Variants in RAD51B observed in about 807,000 individuals in gnomAD.
The protein encoded by RAD51B is RAD51 paralog B, also known as DNA repair protein RAD51 homolog 2.
RAD51B carries 38 observed loss-of-function variants against 42.2 expected under a neutral mutation model. The ratio of observed to expected loss-of-function variants is 0.90; its 90% CI spans 0.70 to 1.18. The LOEUF (loss-of-function observed/expected upper bound fraction) is 1.18. Ranked by LOEUF, RAD51B falls within the 50% of genes most tolerant of loss-of-function variation. The pLI, the probability that RAD51B is intolerant of heterozygous loss-of-function variation, is 0.00. For synonymous variants in RAD51B, 154 were observed against 145.2 expected (o/e 1.06, Z -0.43); for missense variants, 373 against 400.7 (o/e 0.93, Z 0.59).
intron 7 of RAD51B, among the ~76,000 whole-genome samples, chr14:68,056,904 A>G (rs886642660): frequency 3.9e-5 from 6 of 152,062 alleles, no homozygotes; most frequent in African/African-American, 1.4e-4. Flanking sequence ...CATGGCGAAC[A>G]TGGTGAAACC....
At chr14:68,581,854 C>T (rs1335631074) in intron 10 of RAD51B, among the ~76,000 whole-genome samples, 23 of 152,178 alleles carry the variant, frequency 1.5e-4, no homozygotes, top group East Asian at 3.8e-4. Context: ...AATAACACTA[C>T]GCATCTACAA....
chr14:68,382,434 C>T (rs530979820), intron 8 of RAD51B, among the ~76,000 whole-genome samples: 1 of 152,154 alleles, frequency 6.6e-6, no homozygotes, highest in Non-Finnish European at 1.5e-5. Flanking sequence ...GACAGAGTGG[C>T]CTTTCTAATT....
rs71129868 is a variant in RAD51B, at chr14:68,151,823, CTTTTTTTTTTTTTTTTTTTTTTT to C, written c.757-140046_757-140024del. Among the ~76,000 whole-genome samples, 17 of 39,936 alleles carry C rather than the reference CTTTTTTTTTTTTTTTTTTTTTTT, an allele frequency of 4.3e-4. 1 individual carries two copies. Among genetic ancestry groups the C allele is most frequent in the African/African-American group, 1.4e-3 (15 of 10,574 alleles). 26.2% of individuals were successfully genotyped at this position (39,936 alleles called of 152,430 possible). On this transcript the variant is annotated intron_variant, in intron 7 of 10. Coordinates refer to ENST00000471583, the MANE Select transcript of RAD51B (RefSeq NM_133510.4). Reference sequence around the variant, plus strand: ...CAAACATGGACTATAGTTATAAAGACTTTTTTTTTTTTTTTTTTTTTTTTTTTTTTTTTTTTTGAGATGGAGTT... The same window carrying C: ...CAAACATGGACTATAGTTATAAAGACTTTTTTTTTTTTTTGAGATGGAGTT...
intron 10 of RAD51B, 60 bp from the exon 11 acceptor site, chr14:68,477,588 A>T (rs2140254080): frequency 2.6e-6 from 4 of 1,542,470 alleles, no homozygotes; most frequent in Non-Finnish European, 3.5e-6. Context: ...GTGGGAAGTT[A>T]GTGCATTTCA....
intron 7 of RAD51B, among the ~76,000 whole-genome samples, chr14:67,897,350 T>C (rs111616084): frequency 5.4e-4 from 82 of 152,170 alleles, no homozygotes; most frequent in African/African-American, 1.9e-3. Context: ...AATCTGATGA[T>C]AAAGGGTTAA....
intron 8 of RAD51B, among the ~76,000 whole-genome samples, chr14:68,399,576 C>T (rs1457751317): frequency 6.6e-6 from 1 of 152,136 alleles, no homozygotes; most frequent in African/African-American, 2.4e-5. Context: ...ATTTTTAACA[C>T]TTTGCCTCAT....
At chr14:68,249,424 C>T (rs923641305) in intron 7 of RAD51B, among the ~76,000 whole-genome samples, 4 of 152,120 alleles carry the variant, frequency 2.6e-5, no homozygotes, top group African/African-American at 9.7e-5. Flanking sequence ...TGTATAAAAT[C>T]GATCAAACAA....
intron 8 of RAD51B, among the ~76,000 whole-genome samples, chr14:68,293,583 T>C (rs2081555778): frequency 6.6e-6 from 1 of 152,098 alleles, no homozygotes; most frequent in Non-Finnish European, 1.5e-5. Flanking sequence ...CACTCCCAGC[T>C]CCAGGCCTGT....
chr14:68,289,342 T>A (rs780592040), intron 7 of RAD51B, among the ~76,000 whole-genome samples: 3 of 152,210 alleles, frequency 2.0e-5, no homozygotes, highest in Non-Finnish European at 2.9e-5. Flanking sequence ...TATGAACAAA[T>A]GAAGCTCAAA....
intron 10 of RAD51B, among the ~76,000 whole-genome samples, chr14:68,592,275 G>A: frequency 6.6e-6 from 1 of 151,710 alleles, no homozygotes. Context: ...GTGTGTGTGT[G>A]TGTGTGTGTG....
intron 3 of RAD51B, 96 bp from the exon 4 acceptor site, chr14:67,834,984 A>G (rs2041181145): frequency 1.2e-6 from 1 of 830,414 alleles, no homozygotes; most frequent in African/African-American, 1.7e-5. Flanking sequence ...AGGATGGATT[A>G]GGGTTAAAAT....
intron 9 of RAD51B, among the ~76,000 whole-genome samples, chr14:68,444,107 G>T (rs1439118787): frequency 1.3e-5 from 2 of 152,176 alleles, no homozygotes; most frequent in Non-Finnish European, 2.9e-5. Context: ...TGAAGAACGG[G>T]TGTTCTCTGG....
At chr14:68,233,676 A>G (rs2080190139) in intron 7 of RAD51B, among the ~76,000 whole-genome samples, 1 of 152,172 alleles carries the variant, frequency 6.6e-6, no homozygotes, top group Admixed American at 6.5e-5. Context: ...TATTTCTGCA[A>G]AGGAGAAGAG....
chr14:68,193,202 C>G (rs552871285), intron 7 of RAD51B, among the ~76,000 whole-genome samples: 3 of 152,230 alleles, frequency 2.0e-5, no homozygotes, highest in African/African-American at 7.2e-5. Flanking sequence ...GAATTCTTTC[C>G]TCATCTCCAT....
chr14:68,470,365 A>G (rs899212665), intron 10 of RAD51B, among the ~76,000 whole-genome samples: 1 of 152,056 alleles, frequency 6.6e-6, no homozygotes, highest in Non-Finnish European at 1.5e-5. Context: ...CTCTTGGCAC[A>G]CTCTGCCTTC....
intron 9 of RAD51B, among the ~76,000 whole-genome samples, chr14:68,426,928 G>A (rs1363665770): frequency 6.6e-6 from 1 of 152,138 alleles, no homozygotes; most frequent in Non-Finnish European, 1.5e-5. Flanking sequence ...ACTTTCCAGG[G>A]CCACTCAGGA....
At chr14:68,364,437 T>TG (rs1186040629) in intron 8 of RAD51B, among the ~76,000 whole-genome samples, 1 of 152,136 alleles carries the variant, frequency 6.6e-6, no homozygotes, top group Non-Finnish European at 1.5e-5. Context: ...GGGAGACTCC[T>TG]GGGGCCGGCA....
intron 8 of RAD51B, among the ~76,000 whole-genome samples, chr14:68,408,532 A>G (rs975105074): frequency 6.6e-6 from 1 of 152,286 alleles, no homozygotes; most frequent in East Asian, 1.9e-4. Context: ...AAGTGGAGCC[A>G]TGCCATGTAG....
downstream of RAD51B, among the ~76,000 whole-genome samples, chr14:68,481,301 T>C (rs1883161595): frequency 6.6e-6 from 1 of 152,106 alleles, no homozygotes; most frequent in African/African-American, 2.4e-5. Flanking sequence ...AATGCTACAT[T>C]GTTCACACAT....
Sources: gnomAD v4.1 joint callset for allele counts (sites outside exome capture counted in the v4.1 genomes callset) on GRCh38, gnomAD v4.1.1 for gene constraint, MANE v1.5 for transcripts, NCBI Gene and HGNC (gene_info 2026-07-23, HGNC 2026-07-21) for gene names.